Variants in MACROD2 observed in about 807,000 individuals in gnomAD.
MACROD2 encodes mono-ADP ribosylhydrolase 2.
Under a neutral mutation model 70.4 loss-of-function variants are expected in MACROD2, and 36 were observed. The observed-to-expected ratio is 0.51, with a 90% confidence interval of 0.39 to 0.68. The LOEUF (loss-of-function observed/expected upper bound fraction) is 0.68. MACROD2 is among the 30% of genes least tolerant of loss of function. The pLI, the probability that MACROD2 is intolerant of heterozygous loss-of-function variation, is 0.00. For missense variants in MACROD2, 496 were observed against 538.4 expected (o/e 0.92, Z 0.78); for synonymous variants, 172 against 178.8 (o/e 0.96, Z 0.30).
At chr20:15,468,961 AG>A (rs2046930421) in intron 7 of MACROD2, among the ~76,000 whole-genome samples, 1 of 152,162 alleles carries the variant, frequency 6.6e-6, no homozygotes, top group African/African-American at 2.4e-5. Flanking sequence ...CAAGAATGGA[AG>A]GGGGGATATT....
In MACROD2 at chr20:14,675,502, G is replaced by A. The variant is rs148059860; in HGVS notation, c.302-9341G>A. Among the ~76,000 whole-genome samples, 1,292 of 152,228 alleles carry A rather than the reference G, an allele frequency of 8.5e-3. 12 individuals carry two copies. The highest frequency in any genetic ancestry group is 0.029 in the African/African-American group (1,221 of 41,532). On this transcript the variant is annotated intron_variant, in intron 4 of 17. Coordinates refer to ENST00000684519, the MANE Select transcript of MACROD2 (RefSeq NM_001351661.2). ...TAAAATCCTTTACAGACAAGCGGAG[G>A]CTGAGAGATTTTGTCACCACCAGGC...
chr20:15,485,155 C>T (rs2047147754), intron 7 of MACROD2, among the ~76,000 whole-genome samples: 1 of 151,724 alleles, frequency 6.6e-6, no homozygotes, highest in African/African-American at 2.4e-5. Flanking sequence ...TGCTGGCTCT[C>T]ATTTTGTCAT....
intron 8 of MACROD2, among the ~76,000 whole-genome samples, chr20:15,515,637 G>T (rs899316540): frequency 6.6e-6 from 1 of 152,152 alleles, no homozygotes; most frequent in Non-Finnish European, 1.5e-5. Flanking sequence ...CACATAAAAA[G>T]CTTTGACAAA....
intron 6 of MACROD2, among the ~76,000 whole-genome samples, chr20:15,362,533 T>C (rs1424055050): frequency 6.6e-6 from 1 of 152,182 alleles, no homozygotes. Context: ...CAAATTCTTT[T>C]CCTGCATCGA....
At chr20:15,641,114 T>C (rs1479974460) in intron 8 of MACROD2, among the ~76,000 whole-genome samples, 2 of 152,246 alleles carry the variant, frequency 1.3e-5, no homozygotes, top group East Asian at 3.8e-4. Flanking sequence ...TTGCTGATTG[T>C]GGATGCTTGC....
intron 7 of MACROD2, among the ~76,000 whole-genome samples, chr20:15,499,493 G>A (rs13042458): frequency 0.08 from 12,209 of 152,114 alleles, 640 homozygotes; most frequent in Middle Eastern, 0.18. Context: ...TTATGCATAT[G>A]TAAATATGTT....
chr20:14,105,587 C>T (rs2054358663), intron 3 of MACROD2, among the ~76,000 whole-genome samples: 1 of 152,194 alleles, frequency 6.6e-6, no homozygotes. Flanking sequence ...ACAACGACTG[C>T]AGTTCCTATG....
intron 12 of MACROD2, 49 bp downstream of exon 12, chr20:15,937,593 C>G: frequency 6.5e-7 from 1 of 1,539,258 alleles, no homozygotes; most frequent in Non-Finnish European, 9.0e-7. Flanking sequence ...TTAAAAGAGA[C>G]TGTTTGGGCT....
In MACROD2 at chr20:15,095,191, C is replaced by A. The variant is rs531623336; in HGVS notation, c.419-134749C>A. Among the ~76,000 whole-genome samples, 305 of 150,630 alleles carry A rather than the reference C, an allele frequency of 2.0e-3. 1 individual carries two copies. Among genetic ancestry groups the A allele is most frequent in the Admixed American group, 8.8e-3 (133 of 15,050 alleles). On this transcript the variant is annotated intron_variant, in intron 5 of 17. Transcript: ENST00000684519. ...TCCCAGGTTCACGCCATTCTCCTGC[C>A]TCAGCCTCCCCAGTAGCTGGGATTA...
chr20:15,427,212 C>A (rs1006012644), intron 6 of MACROD2, among the ~76,000 whole-genome samples: 1 of 152,096 alleles, frequency 6.6e-6, no homozygotes, highest in African/African-American at 2.4e-5. Context: ...ATTACACTAC[C>A]ATTTGCTCCC....
At chr20:16,038,208 A>G (rs751220697) in intron 15 of MACROD2, among the ~76,000 whole-genome samples, 10 of 151,796 alleles carry the variant, frequency 6.6e-5, no homozygotes, top group Non-Finnish European at 1.3e-4. Context: ...CAGTTTCACA[A>G]TGATTAGACT....
chr20:15,301,591 CTTTTTTTTT>C (rs71340214), intron 6 of MACROD2, among the ~76,000 whole-genome samples: 4 of 81,250 alleles, frequency 4.9e-5, no homozygotes, highest in East Asian at 3.3e-4. Context: ...GGTAGGTGGC[CTTTTTTTTT>C]TTTTTTTTTT....
At chr20:15,640,521 T>C (rs915942371) in intron 8 of MACROD2, among the ~76,000 whole-genome samples, 1 of 152,196 alleles carries the variant, frequency 6.6e-6, no homozygotes, top group Non-Finnish European at 1.5e-5. Flanking sequence ...GAGGCTCCGC[T>C]CTGCTGTGGT....
intron 5 of MACROD2, among the ~76,000 whole-genome samples, chr20:14,770,509 A>G (rs187595769): frequency 1.3e-5 from 2 of 152,202 alleles, no homozygotes; most frequent in Admixed American, 6.5e-5. Flanking sequence ...GTAGATTTAC[A>G]CTTTTTGAGT....
intron 8 of MACROD2, among the ~76,000 whole-genome samples, chr20:15,816,154 C>CTAACT (rs2063872265): frequency 6.6e-6 from 1 of 151,956 alleles, no homozygotes; most frequent in Admixed American, 6.6e-5. Context: ...ACCCATAGGA[C>CTAACT]TAACTTAAGT....
At chr20:15,212,829 C>G (rs1401367694) in intron 5 of MACROD2, among the ~76,000 whole-genome samples, 1 of 152,204 alleles carries the variant, frequency 6.6e-6, no homozygotes, top group Non-Finnish European at 1.5e-5. Flanking sequence ...AGGCCAGCAG[C>G]ATCAGCAGCA....
intron 8 of MACROD2, among the ~76,000 whole-genome samples, chr20:15,827,926 G>C (rs1462002297): frequency 6.6e-6 from 1 of 152,192 alleles, no homozygotes; most frequent in Non-Finnish European, 1.5e-5. Context: ...AGGAATTTCA[G>C]CTGGATGGTC....
At chr20:15,643,600 C>A (rs1367190975) in intron 8 of MACROD2, among the ~76,000 whole-genome samples, 1 of 152,006 alleles carries the variant, frequency 6.6e-6, no homozygotes, top group Non-Finnish European at 1.5e-5. Context: ...GTTCTCAATG[C>A]CAAGGAGAAG....
At chr20:15,961,022 T>A (rs1422634489) in intron 12 of MACROD2, among the ~76,000 whole-genome samples, 4 of 152,176 alleles carry the variant, frequency 2.6e-5, no homozygotes, top group Non-Finnish European at 5.9e-5. Context: ...TATAATTTTT[T>A]AGAAAGTCCC....
Sources: gnomAD v4.1 joint callset for allele counts (sites outside exome capture counted in the v4.1 genomes callset) on GRCh38, gnomAD v4.1.1 for gene constraint, MANE v1.5 for transcripts, NCBI Gene and HGNC (gene_info 2026-07-23, HGNC 2026-07-21) for gene names.